The following ARHGEF26 variants were observed in gnomAD, a reference collection of about 807,000 sequenced individuals.
ARHGEF26 encodes the protein Rho guanine nucleotide exchange factor 26.
Under a neutral mutation model 89.4 loss-of-function variants are expected in ARHGEF26, and 59 were observed. That is an observed-to-expected ratio of 0.66 (90% CI 0.54 to 0.82). ARHGEF26 has a LOEUF of 0.82. Ranked by LOEUF, ARHGEF26 falls within the 40% of genes least tolerant of loss-of-function variation. The probability of loss-of-function intolerance (pLI) is 0.00; values close to 1 mark genes in which losing one functional copy is unlikely to be tolerated. For synonymous variants in ARHGEF26, 500 were observed against 428.4 expected, an observed-to-expected ratio of 1.17 and a Z score of -2.06; for missense variants, 1,234 against 1,085.6, an observed-to-expected ratio of 1.14 and a Z score of -1.92.
At chr3:154,247,029 C>T (rs986717043) in intron 12 of ARHGEF26, among the ~76,000 whole-genome samples, 5 of 152,188 alleles carry the variant, frequency 3.3e-5, no homozygotes, top group African/African-American at 1.2e-4. Context: ...TAACAGGCTT[C>T]CTAGTTTCAC....
rs1421912679 is a variant in ARHGEF26 at position 154,216,488 on chromosome 3, TTTTA to T, written c.1846-1377_1846-1374del. ...CCCTCTTCAGCACTTGTTTTTTTTTTTTTATTTTTTTTTATTTTTTATTTTTTTT... is the reference window on the plus strand; with the variant it reads ...CCCTCTTCAGCACTTGTTTTTTTTTTTTTTTTTTTATTTTTTATTTTTTTT... On this transcript the variant is annotated intron_variant, in intron 9 of 14. Transcript: ENST00000465093. Among the ~76,000 whole-genome samples the T allele has an allele frequency of 4.9e-3, 133 of 27,412 alleles. 3 individuals carry two copies. The highest frequency in any genetic ancestry group is 9.9e-3 in the South Asian group (2 of 202). The allele number at this position is 27,412 out of a possible 152,430, so 18.0% of individuals were successfully genotyped here. A position where few individuals can be genotyped will look rare whatever the true frequency, so the allele number is the denominator to read the frequency against.
chr3:154,184,087 C>T (rs1041735521), intron 6 of ARHGEF26, among the ~76,000 whole-genome samples: 4 of 151,304 alleles, frequency 2.6e-5, no homozygotes, highest in South Asian at 2.1e-4. Context: ...ATTCTCCTGC[C>T]GCAGCCTCCC....
intron 6 of ARHGEF26, among the ~76,000 whole-genome samples, chr3:154,157,603 G>C (rs974367771): frequency 1.3e-5 from 2 of 152,134 alleles, no homozygotes; most frequent in African/African-American, 2.4e-5. Context: ...AACACAGCTA[G>C]CTAGGGTGGA....
chr3:154,156,038 A>G (rs1364422315), intron 6 of ARHGEF26, among the ~76,000 whole-genome samples: 1 of 152,030 alleles, frequency 6.6e-6, no homozygotes, highest in Non-Finnish European at 1.5e-5. Flanking sequence ...AACATAAAGG[A>G]TAATTATCTT....
At chr3:154,228,638 A>G (rs1460851441) in intron 11 of ARHGEF26, among the ~76,000 whole-genome samples, 1 of 151,950 alleles carries the variant, frequency 6.6e-6, no homozygotes, top group Admixed American at 6.6e-5. Flanking sequence ...TATGACCTGA[A>G]TATGTGGTGA....
chr3:154,208,147 G>A (rs1457452318), intron 9 of ARHGEF26, among the ~76,000 whole-genome samples: 1 of 152,086 alleles, frequency 6.6e-6, no homozygotes, highest in Non-Finnish European at 1.5e-5. Flanking sequence ...GTGGATTCTG[G>A]GCAATACTTG....
intron 12 of ARHGEF26, among the ~76,000 whole-genome samples, chr3:154,250,417 C>A (rs558870675): frequency 2.6e-3 from 389 of 152,260 alleles, no homozygotes; most frequent in Non-Finnish European, 4.6e-3. Context: ...TTGAAAGTCT[C>A]AAAAAGCTGC....
At chr3:154,216,386 T>G (rs1473607414) in intron 9 of ARHGEF26, among the ~76,000 whole-genome samples, 1 of 151,852 alleles carries the variant, frequency 6.6e-6, no homozygotes, top group Non-Finnish European at 1.5e-5. Context: ...GTGCTTCTAG[T>G]GAAACAAATT....
rs1212120919 is a variant in ARHGEF26 at position 154,211,075 on chromosome 3, C to G, written c.1846-6794C>G. Among the ~76,000 whole-genome samples the G allele has an allele frequency of 3.3e-5, 5 of 151,548 alleles. No individual in the cohort carries two copies. The South Asian group carries it at 8.3e-4, about 25-fold the overall frequency. ...GACAAAGCCCTTCCCATTTTTTCCT[C>G]TCGTCTTCTCAAGCAGAAGGAAGGG... On this transcript the variant is annotated intron_variant, in intron 9 of 14. Transcript: ENST00000465093.
chr3:154,234,003 CAT>C (rs1716963271), intron 11 of ARHGEF26, among the ~76,000 whole-genome samples: 1 of 152,222 alleles, frequency 6.6e-6, no homozygotes. Flanking sequence ...TGCCAAAAAT[CAT>C]ATGAATATCA....
intron 7 of ARHGEF26, among the ~76,000 whole-genome samples, chr3:154,189,071 C>T (rs1021803364): frequency 1.3e-5 from 2 of 152,106 alleles, no homozygotes; most frequent in East Asian, 3.9e-4. Context: ...CACTCCACCA[C>T]GCCCTGGTGG....
chr3:154,146,266 A>C (rs1206632174), intron 4 of ARHGEF26, among the ~76,000 whole-genome samples: 2 of 152,220 alleles, frequency 1.3e-5, no homozygotes, highest in Non-Finnish European at 2.9e-5. Flanking sequence ...CGTTAATCCC[A>C]TTCATGGAGC....
intron 6 of ARHGEF26, among the ~76,000 whole-genome samples, chr3:154,174,122 A>G (rs967868903): frequency 3.5e-4 from 53 of 152,324 alleles, no homozygotes; most frequent in Admixed American, 8.5e-4. Flanking sequence ...CAGCCAGGCC[A>G]TATAGCTTAG....
At chr3:154,247,116 C>A (rs1302571464) in intron 12 of ARHGEF26, among the ~76,000 whole-genome samples, 1 of 152,150 alleles carries the variant, frequency 6.6e-6, no homozygotes, top group African/African-American at 2.4e-5. Context: ...TTCATGCTAA[C>A]CCTTTTTTTG....
At chr3:154,172,503 T>A (rs1712515059) in intron 6 of ARHGEF26, among the ~76,000 whole-genome samples, 1 of 152,194 alleles carries the variant, frequency 6.6e-6, no homozygotes, top group South Asian at 2.1e-4. Flanking sequence ...AAGACCAGCC[T>A]GGCCAATATG....
rs1486205403 is a variant in ARHGEF26, at chr3:154,122,776, A to T, written c.784A>T (p.Ser262Cys). Residue 262 changes from serine to cysteine, a missense_variant, in exon 2 of 15, where the codon AGT becomes TGT. Physicochemically the swap from Ser to Cys is moderately radical, Grantham distance 112. Coordinates refer to ENST00000465093, the MANE Select transcript of ARHGEF26 (RefSeq NM_015595.4). ...GAGTCTGGCCTCGGAAATTAAAATA[A>T]GTAAATCCAACAATCAAAATGTGGA... ...PKSLASEIKISKSNNQNVEPH... is the reference protein window; with the variant it reads ...PKSLASEIKICKSNNQNVEPH... The T allele has an allele frequency of 1.9e-5, 31 of 1,611,070 alleles. No homozygotes were observed. The highest frequency in any genetic ancestry group is 2.6e-5 in the Non-Finnish European group (31 of 1,178,524).
At chr3:154,182,820 T>C (rs554523514) in intron 6 of ARHGEF26, among the ~76,000 whole-genome samples, 18 of 152,184 alleles carry the variant, frequency 1.2e-4, no homozygotes, top group African/African-American at 2.4e-4. Flanking sequence ...GGTTTTCTTA[T>C]CTATAAAATG....
At chr3:154,141,191 T>C (rs907688543) in intron 4 of ARHGEF26, among the ~76,000 whole-genome samples, 2 of 149,796 alleles carry the variant, frequency 1.3e-5, no homozygotes, top group Non-Finnish European at 3.0e-5. Flanking sequence ...GGTCTCTATC[T>C]CCTGACCTCG....
At chr3:154,234,837 C>T (rs1717013579) in intron 11 of ARHGEF26, among the ~76,000 whole-genome samples, 1 of 152,134 alleles carries the variant, frequency 6.6e-6, no homozygotes, top group Admixed American at 6.5e-5. Flanking sequence ...GCAATCTCGG[C>T]TCACTGCAAG....
Sources: gnomAD v4.1 joint callset for allele counts (sites outside exome capture counted in the v4.1 genomes callset) on GRCh38, gnomAD v4.1.1 for gene constraint, MANE v1.5 for transcripts, NCBI Gene and HGNC (gene_info 2026-07-23, HGNC 2026-07-21) for gene names.